The following TMCC1 variants were observed in gnomAD, a reference collection of about 807,000 sequenced individuals.
TMCC1 encodes transmembrane and coiled-coil domains protein 1.
A neutral mutation model predicts 52.4 loss-of-function variants in TMCC1; 15 were observed. That is an observed-to-expected ratio of 0.29 (90% CI 0.19 to 0.44). The LOEUF is 0.44. Among genes scored for constraint, TMCC1 ranks in the 20% least tolerant of loss-of-function variants. TMCC1 has a pLI of 1.00. For synonymous variants in TMCC1, 279 were observed against 301.9 expected, an observed-to-expected ratio of 0.92 and a Z score of 0.79; for missense variants, 503 against 806.0, an observed-to-expected ratio of 0.62 and a Z score of 4.55.
chr3:129,728,487 T>C (rs917724763), intron 4 of TMCC1, among the ~76,000 whole-genome samples: 9 of 152,180 alleles, frequency 5.9e-5, no homozygotes, highest in African/African-American at 1.9e-4. Flanking sequence ...GGTTTCACCA[T>C]GTTGGCCAGG....
At chr3:129,744,562 A>C (rs2051756264) in intron 4 of TMCC1, among the ~76,000 whole-genome samples, 1 of 152,150 alleles carries the variant, frequency 6.6e-6, no homozygotes, top group Non-Finnish European at 1.5e-5. Flanking sequence ...CTGGAACTAC[A>C]AGCACACACA....
chr3:129,867,441 A>C (rs536182873), intron 2 of TMCC1, among the ~76,000 whole-genome samples: 1 of 152,302 alleles, frequency 6.6e-6, no homozygotes, highest in South Asian at 2.1e-4. Flanking sequence ...TATGGCCTTC[A>C]ATAGCTAGTT....
Position 129,648,553 on chromosome 3 carries a change from A to C in TMCC1, c.*2928T>G, listed in dbSNP as rs931709814. The C allele has an allele frequency of 6.6e-6, 1 of 152,254 alleles. No individual in the cohort carries two copies. The highest frequency in any genetic ancestry group is 2.4e-5 in the African/African-American group (1 of 41,466). The allele number at this position is 152,254 out of a possible 1,614,324, so 9.4% of individuals were successfully genotyped here. The stretch of plus-strand genomic sequence containing the variant: ...ACAGAAGTACCCTTCAATTATCATA[A>C]ACAATGTAAAATGCGCATTCTACAA... On this transcript the variant is annotated 3_prime_UTR_variant, in exon 7 of 7. Transcript: ENST00000393238.
intron 4 of TMCC1, among the ~76,000 whole-genome samples, chr3:129,715,837 TTATTA>T (rs547430903): frequency 2.3e-4 from 35 of 152,336 alleles, no homozygotes; most frequent in African/African-American, 7.9e-4. Flanking sequence ...TGTTTCATTC[TTATTA>T]TATTAAATGA....
chr3:129,719,776 G>A (rs994868360), intron 4 of TMCC1, among the ~76,000 whole-genome samples: 2 of 152,032 alleles, frequency 1.3e-5, no homozygotes, highest in Non-Finnish European at 2.9e-5. Context: ...CACTCAAATG[G>A]CCTTCAAAGG....
intron 4 of TMCC1, among the ~76,000 whole-genome samples, chr3:129,819,197 C>T (rs1482275833): frequency 6.6e-6 from 1 of 152,192 alleles, no homozygotes; most frequent in Admixed American, 6.6e-5. Flanking sequence ...ATTCTCCTGC[C>T]TCAGCCTCCT....
chr3:129,720,201 A>AAAAAAAAAAAAAAAAAAAAAAG (rs1560263938), intron 4 of TMCC1, among the ~76,000 whole-genome samples: 20 of 151,292 alleles, frequency 1.3e-4, no homozygotes, highest in African/African-American at 4.6e-4. Flanking sequence ...AAAAAAAAAA[A>AAAAAAAAAAAAAAAAAAAAAAG]AGAGATGGAA....
At chr3:129,724,021 C>A (rs889864261) in intron 4 of TMCC1, among the ~76,000 whole-genome samples, 2 of 151,496 alleles carry the variant, frequency 1.3e-5, no homozygotes, top group African/African-American at 4.9e-5. Flanking sequence ...AGGAATATGC[C>A]GAATAACCCT....
chr3:129,691,789 C>G (rs1036473452), intron 4 of TMCC1, among the ~76,000 whole-genome samples: 1 of 152,092 alleles, frequency 6.6e-6, no homozygotes, highest in Admixed American at 6.6e-5. Context: ...ACAGAAAGAC[C>G]ATGGCCTCTT....
intron 5 of TMCC1, among the ~76,000 whole-genome samples, chr3:129,655,656 C>T (rs1041577034): frequency 6.6e-6 from 1 of 152,190 alleles, no homozygotes; most frequent in Non-Finnish European, 1.5e-5. Context: ...TACTGAGAGC[C>T]TGCTATGTAC....
intron 2 of TMCC1, among the ~76,000 whole-genome samples, chr3:129,870,031 T>C (rs2060837399): frequency 6.6e-6 from 1 of 152,238 alleles, no homozygotes; most frequent in South Asian, 2.1e-4. Context: ...CTTTACTTTT[T>C]ATCATGTAGT....
chr3:129,798,000 T>C (rs200774294), intron 4 of TMCC1, among the ~76,000 whole-genome samples: 5 of 147,522 alleles, frequency 3.4e-5, no homozygotes, highest in East Asian at 4.2e-4. Context: ...TTTTTTTTTT[T>C]CTTTTTTTTT....
intron 4 of TMCC1, 27 bp downstream of exon 4, chr3:129,827,776 C>T (rs756440801): frequency 2.5e-6 from 4 of 1,599,258 alleles, no homozygotes; most frequent in Non-Finnish European, 3.4e-6. Context: ...AGTAAGTTAA[C>T]AGAAAAACAA....
intron 4 of TMCC1, among the ~76,000 whole-genome samples, chr3:129,708,235 AATTAT>A (rs1353701582): frequency 7.2e-5 from 11 of 152,284 alleles, no homozygotes; most frequent in African/African-American, 2.4e-4. Flanking sequence ...TTTATGTTGT[AATTAT>A]ATTAACATTT....
At chr3:129,721,625 C>G (rs1274138258) in intron 4 of TMCC1, among the ~76,000 whole-genome samples, 1 of 151,192 alleles carries the variant, frequency 6.6e-6, no homozygotes, top group South Asian at 2.1e-4. Flanking sequence ...CTTTGGGAGG[C>G]CGAGGCAGGC....
intron 4 of TMCC1, among the ~76,000 whole-genome samples, chr3:129,675,014 A>G (rs954644670): frequency 1.3e-5 from 2 of 151,786 alleles, no homozygotes; most frequent in East Asian, 3.9e-4. Context: ...TTTTTTTTGC[A>G]TTTTTAGTAG....
chr3:129,797,395 A>G (rs2056904313), intron 4 of TMCC1, among the ~76,000 whole-genome samples: 1 of 152,026 alleles, frequency 6.6e-6, no homozygotes, highest in African/African-American at 2.4e-5. Context: ...AAATTCAAAC[A>G]AATAATAGGC....
rs140109018 is a variant in TMCC1, at chr3:129,688,244, C to A, written c.577-16980G>T. ...AAGCTCATCCTTCATTTGTGCACTG[C>A]CAGAGAAAGCTTGGATGGTAAAAAA... On this transcript the variant is annotated intron_variant, in intron 4 of 6. Coordinates refer to ENST00000393238, the MANE Select transcript of TMCC1 (RefSeq NM_001017395.5). 1.1e-5 allele frequency: 11 copies of A among 985,212 alleles called. No homozygotes were observed. In the East Asian group the frequency reaches 1.0e-3, roughly 92 times the overall value. The allele number at this position is 985,212 out of a possible 1,614,324, so 61.0% of individuals were successfully genotyped here.
chr3:129,657,429 C>G (rs1306943964), intron 5 of TMCC1, among the ~76,000 whole-genome samples: 2 of 152,176 alleles, frequency 1.3e-5, no homozygotes, highest in African/African-American at 4.8e-5. Flanking sequence ...GATGAGGAAA[C>G]AGAAGCTCAG....
Sources: allele counts gnomAD v4.1 joint callset (sites outside exome capture counted in the v4.1 genomes callset), GRCh38; gene constraint gnomAD v4.1.1; transcripts MANE v1.5; gene names NCBI Gene and HGNC (gene_info 2026-07-23, HGNC 2026-07-21).